The following GPR55 variants were observed in gnomAD, a reference collection of about 807,000 sequenced individuals.
GPR55 encodes G-protein coupled receptor 55.
GPR55 carries 6 observed loss-of-function variants against 7.9 expected under a neutral mutation model. The observed-to-expected ratio is 0.76, with a 90% CI of 0.41 to 1.49. The LOEUF is 1.49. Ranked by LOEUF, GPR55 falls within the 40% of genes most tolerant of loss-of-function variation. The probability of loss-of-function intolerance (pLI) is 0.01; values close to 1 mark genes in which losing one functional copy is unlikely to be tolerated. For synonymous variants in GPR55, 183 were observed against 166.8 expected, an observed-to-expected ratio of 1.10 and a Z score of -0.75; for missense variants, 376 against 406.0, an observed-to-expected ratio of 0.93 and a Z score of 0.63.
At chr2:230,930,049 G>C (rs1691009531), upstream of GPR55, 1 of 151,450 alleles carries the variant, frequency 6.6e-6, no homozygotes, top group African/African-American at 2.5e-5. Flanking sequence ...CGGGCAGCCA[G>C]GACCCCCCCG....
At position 230,949,564 on chromosome 2, in the gene GPR55, G is replaced by A. The variant is rs145049049; in HGVS notation, c.-135+11211C>T. Among the ~76,000 whole-genome samples the A allele has an allele frequency of 1.5e-3, 233 of 152,346 alleles. 3 individuals carry two copies. In the East Asian group the frequency reaches 0.041, roughly 27 times the overall value. On this transcript the variant is annotated intron_variant, in intron 1 of 1. Coordinates refer to the GPR55 transcript ENST00000392039. ...CTAGATCAGCACTTCTCAAAGTGTGGCTCAGGCACTCTGTGGGGAAGGGTG... is the reference window on the plus strand; with the variant it reads ...CTAGATCAGCACTTCTCAAAGTGTGACTCAGGCACTCTGTGGGGAAGGGTG...
chr2:230,941,590 A>G (rs1409133227), intron 1 of GPR55, among the ~76,000 whole-genome samples: 1 of 152,046 alleles, frequency 6.6e-6, no homozygotes, highest in African/African-American at 2.4e-5. Context: ...CGATGCCGTC[A>G]CCAAGCAGAG....
At chr2:230,957,648 T>C (rs1452634635) in intron 1 of GPR55, 1 of 538,798 alleles carries the variant, frequency 1.9e-6, no homozygotes, top group Non-Finnish European at 3.8e-6. Context: ...TTTAAGCTCC[T>C]AGGCATTTCA....
In GPR55 at chr2:230,924,030, G is replaced by C. The variant is rs1690895967; in HGVS notation, c.-135+1138C>G. Among the ~76,000 whole-genome samples the C allele has an allele frequency of 6.6e-6, 1 of 152,098 alleles. No individual in the cohort carries two copies. Among genetic ancestry groups the C allele is most frequent in the Admixed American group, 6.5e-5 (1 of 15,276 alleles). ...CACATCATCTGATGTGGTTTTCCCA[G>C]TGCAGTCCTGAGTGGGTGCCTTGAA... On this transcript the variant is annotated intron_variant, in intron 1 of 1. Transcript: ENST00000650999. This position sits in a 1 kb window ranked among gnomAD's most constrained non-coding sequence, Gnocchi z 4.5.
chr2:230,918,185 C>T (rs746170094), intron 1 of GPR55, among the ~76,000 whole-genome samples: 6 of 152,090 alleles, frequency 3.9e-5, no homozygotes, highest in Non-Finnish European at 7.4e-5. Flanking sequence ...AAGCAATAAA[C>T]GAAGCAATAC....
In GPR55 at chr2:230,923,032, A is replaced by T. The variant is rs1379700286; in HGVS notation, c.-135+2136T>A. ...GCTGGTTCTTAATTGCTGACTCTAC[A>T]CATTCTGCAGCTGGGATTCCCGCAA... On this transcript the variant is annotated intron_variant, in intron 1 of 1. Transcript: ENST00000650999. This position sits in a 1 kb window ranked among gnomAD's most constrained non-coding sequence, Gnocchi z 4.1. Among the ~76,000 whole-genome samples the T allele has an allele frequency of 1.3e-5, 2 of 152,186 alleles. No individual in the cohort carries two copies. Among genetic ancestry groups the T allele is most frequent in the Non-Finnish European group, 1.5e-5 (1 of 68,038 alleles).
chr2:230,951,215 G>A (rs758652565), intron 1 of GPR55, among the ~76,000 whole-genome samples: 1 of 152,110 alleles, frequency 6.6e-6, no homozygotes, highest in African/African-American at 2.4e-5. Flanking sequence ...TCAACCTGTG[G>A]GCTGTAAGAC....
In GPR55 at chr2:230,923,601, G is replaced by A. The variant is rs1158214833; in HGVS notation, c.-135+1567C>T. On this transcript the variant is annotated intron_variant, in intron 1 of 1. Transcript: ENST00000650999. The surrounding 1 kb of genome is among the most constrained non-coding windows in gnomAD (Gnocchi z 4.1). Reference sequence around the variant, plus strand: ...CCTGAATGTTGCTGGAGCTTGGGCTGGGGGGTTGGAGTGGGGCTGGGAGAG... The same window carrying A: ...CCTGAATGTTGCTGGAGCTTGGGCTAGGGGGTTGGAGTGGGGCTGGGAGAG... Among the ~76,000 whole-genome samples the A allele has an allele frequency of 6.6e-6, 1 of 152,084 alleles. No homozygotes were observed. Among genetic ancestry groups the A allele is most frequent in the African/African-American group, 2.4e-5 (1 of 41,400 alleles).
intron 1 of GPR55, among the ~76,000 whole-genome samples, chr2:230,921,951 G>A (rs765795302): frequency 5.3e-5 from 8 of 152,194 alleles, no homozygotes; most frequent in Middle Eastern, 3.2e-3. Flanking sequence ...GGTCAGAAAA[G>A]GAATGGGTTC....
chr2:230,928,028 G>A (rs765144767), upstream of GPR55, among the ~76,000 whole-genome samples: 2 of 152,210 alleles, frequency 1.3e-5, no homozygotes, highest in Non-Finnish European at 2.9e-5. Flanking sequence ...GGAGGAGGAT[G>A]CTGGAGGAGG....
At chr2:230,931,902 G>T (rs1465876034) in intron 1 of GPR55, among the ~76,000 whole-genome samples, 1 of 151,816 alleles carries the variant, frequency 6.6e-6, no homozygotes, top group Non-Finnish European at 1.5e-5. Context: ...GAGCCAAAGG[G>T]AACCATCCAA....
chr2:230,925,854 C>G (rs971364317), upstream of GPR55, among the ~76,000 whole-genome samples: 8 of 152,248 alleles, frequency 5.3e-5, no homozygotes, highest in African/African-American at 1.9e-4. Flanking sequence ...TTTGGGGCAG[C>G]CTTGGGCCTG....
At position 230,923,770 on chromosome 2, in the gene GPR55, T is replaced by A. The variant is rs1690891411; in HGVS notation, c.-135+1398A>T. On this transcript the variant is annotated intron_variant, in intron 1 of 1. Transcript: ENST00000650999. The surrounding 1 kb of genome is among the most constrained non-coding windows in gnomAD (Gnocchi z 4.1). ...AGTAAGGCTTAGAGATGTTAAAGAT[T>A]CTACCCAAGGTCAAAAAGGCCGTGA... Among the ~76,000 whole-genome samples, 1 of 152,128 alleles carries A rather than the reference T, an allele frequency of 6.6e-6. No individual in the cohort carries two copies. The highest frequency in any genetic ancestry group is 6.6e-5 in the Admixed American group (1 of 15,262).
chr2:230,938,351 C>T (rs1284660992), intron 1 of GPR55, among the ~76,000 whole-genome samples: 2 of 145,336 alleles, frequency 1.4e-5, no homozygotes, highest in East Asian at 4.0e-4. Flanking sequence ...TCCTTCTAAA[C>T]TATGTAAGAA....
chr2:230,911,490 C>A (rs921151983), intron 1 of GPR55, among the ~76,000 whole-genome samples: 23 of 152,218 alleles, frequency 1.5e-4, no homozygotes, highest in African/African-American at 5.5e-4. Flanking sequence ...CAACCTGCAA[C>A]CAGGGATGAT....
chr2:230,918,697 T>G (rs1474741448), intron 1 of GPR55, among the ~76,000 whole-genome samples: 1 of 152,214 alleles, frequency 6.6e-6, no homozygotes, highest in Non-Finnish European at 1.5e-5. Context: ...ATTAACATTA[T>G]AAATCATCAT....
At chr2:230,947,812 AT>A (rs1163907679) in intron 1 of GPR55, among the ~76,000 whole-genome samples, 1 of 151,954 alleles carries the variant, frequency 6.6e-6, no homozygotes, top group African/African-American at 2.4e-5. Flanking sequence ...TTTTAGTGCT[AT>A]TTTTTAAAGT....
At chr2:230,957,986 A>G (rs1227328214) in intron 1 of GPR55, 1 of 421,162 alleles carries the variant, frequency 2.4e-6, no homozygotes, top group Non-Finnish European at 4.8e-6. Flanking sequence ...AGACTCCCTG[A>G]AGTCAGTGTG....
At chr2:230,948,425 AAAT>A (rs1019688509) in intron 1 of GPR55, among the ~76,000 whole-genome samples, 1 of 152,152 alleles carries the variant, frequency 6.6e-6, no homozygotes, top group African/African-American at 2.4e-5. Flanking sequence ...ACTAATTGCA[AAAT>A]AATAATAATA....
Sources: gnomAD v4.1 joint callset for allele counts (sites outside exome capture counted in the v4.1 genomes callset) on GRCh38, gnomAD v4.1.1 for gene constraint, Gnocchi (gnomAD v3.1) non-coding constraint, MANE v1.5 for transcripts, NCBI Gene and HGNC (gene_info 2026-07-23, HGNC 2026-07-21) for gene names.